Variants in DENND5B observed in about 807,000 individuals in gnomAD.
The protein encoded by DENND5B is DENN domain containing 5B.
DENND5B carries 34 observed loss-of-function variants against 140.6 expected under a neutral mutation model. The observed-to-expected ratio is 0.24, with a 90% CI of 0.18 to 0.32. The LOEUF (loss-of-function observed/expected upper bound fraction) is 0.32, where lower values mean the gene tolerates loss of function less well. DENND5B is among the 10% of genes least tolerant of loss of function. The pLI, the probability that DENND5B is intolerant of heterozygous loss-of-function variation, is 1.00. For missense variants in DENND5B, 1,142 were observed against 1,560.2 expected, an observed-to-expected ratio of 0.73 and a Z score of 4.52; for synonymous variants, 551 against 562.1, an observed-to-expected ratio of 0.98 and a Z score of 0.28.
At chr12:31,570,423 C>A (rs1029769722) in intron 1 of DENND5B, among the ~76,000 whole-genome samples, 1 of 151,044 alleles carries the variant, frequency 6.6e-6, no homozygotes, top group Non-Finnish European at 1.5e-5. Flanking sequence ...AGACTACAGG[C>A]GCCCGCCACC....
At chr12:31,400,929 G>T (rs946055732) in intron 15 of DENND5B, among the ~76,000 whole-genome samples, 8 of 147,958 alleles carry the variant, frequency 5.4e-5, no homozygotes, top group Non-Finnish European at 1.2e-4. Context: ...CACAACCTCC[G>T]CCTCCCGGAT....
chr12:31,524,802 T>A (rs1948028898), intron 1 of DENND5B, among the ~76,000 whole-genome samples: 2 of 152,140 alleles, frequency 1.3e-5, no homozygotes, highest in Non-Finnish European at 2.9e-5. Context: ...AGACCCAGTT[T>A]TCTATAGTCC....
At chr12:31,546,270 C>A (rs1350983369) in intron 1 of DENND5B, among the ~76,000 whole-genome samples, 1 of 152,016 alleles carries the variant, frequency 6.6e-6, no homozygotes, top group Non-Finnish European at 1.5e-5. Flanking sequence ...AGCACGGTGT[C>A]GTTCTATAAC....
At chr12:31,549,033 G>T (rs1948950925) in intron 1 of DENND5B, among the ~76,000 whole-genome samples, 2 of 151,988 alleles carry the variant, frequency 1.3e-5, no homozygotes, top group Non-Finnish European at 2.9e-5. Flanking sequence ...GTAGCTCGGG[G>T]TACAGGCACC....
chr12:31,415,101 C>T (rs1259152158), intron 12 of DENND5B, among the ~76,000 whole-genome samples: 2 of 151,808 alleles, frequency 1.3e-5, no homozygotes, highest in African/African-American at 2.4e-5. Context: ...GGTGACAAAG[C>T]AAGACCCTGT....
At position 31,437,182 on chromosome 12, in the gene DENND5B, G is replaced by A. The variant is rs139135548; in HGVS notation, c.2013-3934C>T. ...TTTTGAGACGGAGTCTCACTCTGTCGTCCAGGCTGGAATGCAGTGGCACAA... is the reference window on the plus strand; with the variant it reads ...TTTTGAGACGGAGTCTCACTCTGTCATCCAGGCTGGAATGCAGTGGCACAA... On this transcript the variant is annotated intron_variant, in intron 7 of 20. Transcript: ENST00000389082. 9.2e-3 allele frequency among the ~76,000 whole-genome samples: 1,359 copies of A among 148,432 alleles called. 21 individuals carry two copies. The highest frequency in any genetic ancestry group is 0.033 in the African/African-American group (1,313 of 40,040).
At chr12:31,405,871 A>G (rs1026464982) in intron 14 of DENND5B, among the ~76,000 whole-genome samples, 1 of 149,956 alleles carries the variant, frequency 6.7e-6, no homozygotes, top group Admixed American at 6.7e-5. Flanking sequence ...TTTGAGAAGA[A>G]GTCTTGTTCT....
intron 1 of DENND5B, among the ~76,000 whole-genome samples, chr12:31,557,813 GCAAAAAA>G (rs752699198): frequency 1.1e-5 from 1 of 88,722 alleles, no homozygotes; most frequent in Admixed American, 1.4e-4. Context: ...AGCTGTGGTG[GCAAAAAA>G]AAAAAAAAAA....
intron 2 of DENND5B, 54 bp downstream of exon 2, chr12:31,495,756 T>A (rs1443192110): frequency 4.6e-6 from 6 of 1,298,004 alleles, no homozygotes; most frequent in Non-Finnish European, 6.5e-6. Context: ...TACCTTCATA[T>A]TAATAAAGTG....
chr12:31,456,729 C>A (rs1944795963), intron 4 of DENND5B, among the ~76,000 whole-genome samples: 1 of 152,180 alleles, frequency 6.6e-6, no homozygotes, highest in Admixed American at 6.5e-5. Context: ...TAAGTGATCT[C>A]ACTTCTCAGT....
At chr12:31,426,530 G>C in intron 8 of DENND5B, 106 bp from the exon 9 acceptor site, 2 of 1,263,716 alleles carry the variant, frequency 1.6e-6, no homozygotes, top group South Asian at 1.5e-5. Flanking sequence ...AAAAAAGTCC[G>C]TAAGTGTATG....
At chr12:31,464,819 C>A (rs542910491) in intron 3 of DENND5B, among the ~76,000 whole-genome samples, 3 of 152,270 alleles carry the variant, frequency 2.0e-5, no homozygotes, top group African/African-American at 7.2e-5. Context: ...CCTGCCTCCG[C>A]CTCCCAAAGT....
At chr12:31,534,057 A>G (rs1043355279) in intron 1 of DENND5B, among the ~76,000 whole-genome samples, 1 of 152,194 alleles carries the variant, frequency 6.6e-6, no homozygotes, top group African/African-American at 2.4e-5. Context: ...ATATCAATAT[A>G]CTAAATACTC....
At chr12:31,501,018 T>C (rs564352306) in intron 1 of DENND5B, among the ~76,000 whole-genome samples, 1 of 152,288 alleles carries the variant, frequency 6.6e-6, no homozygotes, top group South Asian at 2.1e-4. Flanking sequence ...GATTCTGTCA[T>C]AGCCAAAAGG....
intron 3 of DENND5B, among the ~76,000 whole-genome samples, chr12:31,473,188 T>C (rs1945637865): frequency 6.6e-6 from 1 of 152,224 alleles, no homozygotes; most frequent in South Asian, 2.1e-4. Flanking sequence ...TCCTCCTGCC[T>C]CAACCTCCCA....
chr12:31,440,324 G>A (rs1212337540), intron 7 of DENND5B, among the ~76,000 whole-genome samples: 1 of 151,980 alleles, frequency 6.6e-6, no homozygotes, highest in African/African-American at 2.4e-5. Context: ...GGTAGTACTG[G>A]GGAGTGCCAC....
chr12:31,495,639 G>A (rs1946735431), intron 2 of DENND5B, among the ~76,000 whole-genome samples, 171 bp downstream of exon 2: 1 of 151,928 alleles, frequency 6.6e-6, no homozygotes, highest in Non-Finnish European at 1.5e-5. Flanking sequence ...GCCTCCCAAA[G>A]TGCTGGGATT....
chr12:31,581,484 C>T (rs1409644186), intron 1 of DENND5B, among the ~76,000 whole-genome samples: 1 of 151,928 alleles, frequency 6.6e-6, no homozygotes, highest in South Asian at 2.1e-4. Flanking sequence ...AGGTCGGGAG[C>T]CCGAGACCAG....
intron 10 of DENND5B, among the ~76,000 whole-genome samples, chr12:31,424,157 CAGAA>C (rs1472349183): frequency 2.0e-5 from 3 of 152,056 alleles, no homozygotes; most frequent in African/African-American, 7.2e-5. Flanking sequence ...AGAAAAAAAT[CAGAA>C]AGGGAGACTA....
Sources: allele counts gnomAD v4.1 joint callset (sites outside exome capture counted in the v4.1 genomes callset), GRCh38; gene constraint gnomAD v4.1.1; transcripts MANE v1.5; gene names NCBI Gene and HGNC (gene_info 2026-07-23, HGNC 2026-07-21).